Variants in BEND6 observed in about 807,000 individuals in gnomAD.
BEND6 encodes BEN domain containing 6, also known as BEN domain-containing protein 6.
BEND6 carries 24 observed loss-of-function variants against 31.8 expected under a neutral mutation model. The ratio of observed to expected loss-of-function variants is 0.75; its 90% CI spans 0.55 to 1.06. The LOEUF (loss-of-function observed/expected upper bound fraction) is 1.06, where lower values mean the gene tolerates loss of function less well. Among genes scored for constraint, BEND6 ranks in the 50% least tolerant of loss-of-function variants. The pLI, the probability that BEND6 is intolerant of heterozygous loss-of-function variation, is 0.00. For synonymous variants in BEND6, 109 were observed against 114.6 expected (o/e 0.95, Z 0.31); for missense variants, 294 against 327.4 (o/e 0.90, Z 0.79).
chr6:57,001,422 C>A (rs1826941427), intron 3 of BEND6, among the ~76,000 whole-genome samples: 1 of 152,132 alleles, frequency 6.6e-6, no homozygotes, highest in Admixed American at 6.5e-5. Flanking sequence ...CTTGGGTTCT[C>A]AAAGTGCTGG....
intron 6 of BEND6, among the ~76,000 whole-genome samples, chr6:57,023,494 A>G (rs1240729970): frequency 1.3e-5 from 2 of 152,108 alleles, no homozygotes; most frequent in African/African-American, 4.8e-5. Flanking sequence ...TTCACTTTCA[A>G]TCGATGTGTG....
intron 1 of BEND6, among the ~76,000 whole-genome samples, chr6:56,968,146 A>G (rs542684250): frequency 6.6e-6 from 1 of 152,298 alleles, no homozygotes; most frequent in Admixed American, 6.5e-5. Context: ...AACACATGAT[A>G]TCACTGCTTA....
At chr6:57,010,133 T>C (rs1224030997) in intron 3 of BEND6, 1 of 152,196 alleles carries the variant, frequency 6.6e-6, no homozygotes, top group Non-Finnish European at 1.5e-5. Context: ...AGTACCTGAA[T>C]CCGATCAACC....
At chr6:56,989,148 TATC>T (rs1301417587) in intron 2 of BEND6, among the ~76,000 whole-genome samples, 1 of 150,858 alleles carries the variant, frequency 6.6e-6, no homozygotes. Context: ...ATGGATTATA[TATC>T]ATATGTGATA....
intron 3 of BEND6, among the ~76,000 whole-genome samples, chr6:57,011,731 A>AAAG (rs1554289997): frequency 2.1e-4 from 31 of 147,122 alleles, no homozygotes; most frequent in African/African-American, 6.9e-4. Flanking sequence ...AAAAAAAAAA[A>AAAG]AAAAGAAAAA....
chr6:57,013,294 A>G (rs1827409491), intron 3 of BEND6, among the ~76,000 whole-genome samples: 1 of 152,198 alleles, frequency 6.6e-6, no homozygotes. Flanking sequence ...ACAAATTAGA[A>G]TCAGCCTAAG....
chr6:57,015,166 T>C lies in BEND6; in HGVS notation c.332T>C (p.Leu111Ser). The change falls in exon 4 of 7, where the codon TTG becomes TCG. Residue 111 changes from leucine to serine, a missense_variant. Physicochemically the swap from Leu to Ser is moderately radical, Grantham distance 145. Transcript: ENST00000370746. The part of the protein sequence containing the change: ...LPQAVTQFEE[L>S]VGMAEALLKG... ...CAAGCAGTCACCCAGTTTGAAGAAT[T>C]GGTTGGTATGGCCGAGGCTCTGCTT... The C allele has an allele frequency of 3.1e-6, 5 of 1,614,146 alleles. No individual in the cohort carries two copies. Among genetic ancestry groups the C allele is most frequent in the Non-Finnish European group, 4.2e-6 (5 of 1,180,014 alleles).
chr6:57,006,304 C>T (rs142082080), intron 3 of BEND6, among the ~76,000 whole-genome samples: 137 of 152,324 alleles, frequency 9.0e-4, no homozygotes, highest in African/African-American at 3.1e-3. Flanking sequence ...AGATGTGTGA[C>T]GTGCAGTTAC....
intron 3 of BEND6, chr6:57,008,423 T>G (rs1457867290): frequency 3.4e-6 from 2 of 582,228 alleles, no homozygotes; most frequent in African/African-American, 3.7e-5. Context: ...GTCAAGGCAG[T>G]GCTGTGGAAA....
intron 3 of BEND6, among the ~76,000 whole-genome samples, chr6:56,998,805 C>G (rs1260316737): frequency 6.6e-6 from 1 of 150,786 alleles, no homozygotes; most frequent in Non-Finnish European, 1.5e-5. Context: ...CACATCAAAC[C>G]AAAAAGCTTC....
intron 2 of BEND6, among the ~76,000 whole-genome samples, chr6:56,989,928 C>A (rs1317323860): frequency 6.6e-6 from 1 of 152,104 alleles, no homozygotes; most frequent in African/African-American, 2.4e-5. Flanking sequence ...GTTAGTCTTT[C>A]CTATTATGAT....
intron 1 of BEND6, among the ~76,000 whole-genome samples, chr6:56,971,347 C>G (rs9475760): frequency 6.6e-6 from 1 of 152,008 alleles, no homozygotes; most frequent in East Asian, 1.9e-4. Context: ...TTATATGTAT[C>G]TGCCCATTTT....
At chr6:56,958,202 C>T (rs545537697) in intron 1 of BEND6, among the ~76,000 whole-genome samples, 9 of 152,204 alleles carry the variant, frequency 5.9e-5, no homozygotes, top group Non-Finnish European at 1.2e-4. Context: ...ATACATCACT[C>T]CTGCCCACTA....
chr6:56,956,410 T>A (rs185928505), intron 1 of BEND6, among the ~76,000 whole-genome samples: 1 of 152,220 alleles, frequency 6.6e-6, no homozygotes, highest in African/African-American at 2.4e-5. Flanking sequence ...AGCTTAATCA[T>A]TGATGTCCTT....
intron 3 of BEND6, chr6:57,009,363 A>G (rs966660512): frequency 6.6e-6 from 1 of 152,204 alleles, no homozygotes; most frequent in Middle Eastern, 3.2e-3. Flanking sequence ...TATACATTAT[A>G]TGTATCAAAA....
chr6:57,005,186 A>T (rs1428801083), intron 3 of BEND6, among the ~76,000 whole-genome samples: 1 of 152,136 alleles, frequency 6.6e-6, no homozygotes, highest in Admixed American at 6.5e-5. Context: ...GGTGTCCAAT[A>T]TCTAGTAGCT....
At chr6:56,984,726 G>A (rs1039186363) in intron 2 of BEND6, among the ~76,000 whole-genome samples, 14 of 152,124 alleles carry the variant, frequency 9.2e-5, no homozygotes, top group Non-Finnish European at 1.3e-4. Flanking sequence ...CGGCATCTGT[G>A]TTCAGCCTCT....
chr6:56,983,693 T>C (rs1684749792), intron 2 of BEND6, among the ~76,000 whole-genome samples: 1 of 152,230 alleles, frequency 6.6e-6, no homozygotes, highest in African/African-American at 2.4e-5. Flanking sequence ...TTAATTCTAC[T>C]GTTTTTTAAT....
intron 4 of BEND6, among the ~76,000 whole-genome samples, chr6:57,016,830 G>A (rs777184066): frequency 1.3e-5 from 2 of 152,150 alleles, no homozygotes; most frequent in African/African-American, 2.4e-5. Flanking sequence ...GTGAGGCAAC[G>A]TGTTATAGGT....
Sources: allele counts gnomAD v4.1 joint callset (sites outside exome capture counted in the v4.1 genomes callset), GRCh38; gene constraint gnomAD v4.1.1; transcripts MANE v1.5; gene names NCBI Gene and HGNC (gene_info 2026-07-23, HGNC 2026-07-21).